SNW1: variants seen among roughly 807,000 people sequenced by gnomAD.
The protein encoded by SNW1 is SNW domain containing 1, also known as SNW domain-containing protein 1.
In SNW1, 9 loss-of-function variants were observed where a neutral mutation model predicts 75.6. The observed-to-expected ratio is 0.12, with a 90% confidence interval of 0.07 to 0.21. The LOEUF is 0.21. SNW1 is among the 10% of genes least tolerant of loss of function. The pLI is 1.00. For missense variants in SNW1, 409 were observed against 670.9 expected (o/e 0.61, Z 4.31); for synonymous variants, 200 against 219.1 (o/e 0.91, Z 0.77).
chr14:77,751,510 G>A, intron 2 of SNW1, 30 bp from the exon 3 acceptor site: 5 of 1,527,960 alleles, frequency 3.3e-6, no homozygotes, highest in South Asian at 1.2e-5. Flanking sequence ...AAATAAAATA[G>A]TTAATCATCA....
At chr14:77,760,246 A>G (rs763894086) in intron 1 of SNW1, among the ~76,000 whole-genome samples, 1 of 152,158 alleles carries the variant, frequency 6.6e-6, no homozygotes, top group East Asian at 1.9e-4. Context: ...TACTGTCATC[A>G]GCCAGAAAAA....
In SNW1 at chr14:77,730,998, A is replaced by G. The variant is rs775170813; in HGVS notation, c.1023T>C (p.His341=). ...ARERRAGIKT[H]VEKEDGEARE... ...ATGAGAATGTCATACCTTTTTCCAC[A>G]TGAGTTTTGATCCCAGCTCTTCTCT... is the stretch of plus-strand genomic sequence containing the variant. The change falls in exon 10 of 14, where the codon CAT becomes CAC. Residue 341 remains histidine (H), a synonymous_variant. Coordinates refer to ENST00000261531, the MANE Select transcript of SNW1 (RefSeq NM_012245.3). 3 of 1,613,054 alleles carry G rather than the reference A, an allele frequency of 1.9e-6. No homozygotes were observed. In the African/African-American group the frequency reaches 4.0e-5, roughly 22 times the overall value.
intron 1 of SNW1, among the ~76,000 whole-genome samples, chr14:77,757,012 T>TTA (rs1300906345): frequency 4.6e-5 from 7 of 152,190 alleles, no homozygotes; most frequent in African/African-American, 1.7e-4. Flanking sequence ...AGTATTAAAG[T>TTA]ATTACAGTGA....
intron 3 of SNW1, among the ~76,000 whole-genome samples, chr14:77,741,577 C>CT (rs1355266813): frequency 2.0e-5 from 3 of 152,038 alleles, no homozygotes; most frequent in East Asian, 1.9e-4. Flanking sequence ...TCACCATACT[C>CT]TAAGAGTGTT....
At chr14:77,722,558 A>C (rs77385865) in intron 11 of SNW1, 35 of 435,288 alleles carry the variant, frequency 8.0e-5, no homozygotes, top group Non-Finnish European at 1.4e-4. Context: ...AGAACGGACT[A>C]TAACAGTCCA....
chr14:77,720,729 C>G lies in SNW1; in HGVS notation c.1230G>C (p.Arg410Ser). ...RTSNEVQYDQ[R>S]LFNQSKGMDS... ...CTTGTACCTTGGATTGGTTGAAGAG[C>G]CTTTGGTCATACTGAACTTCATTGG... The change falls in exon 12 of 14, where the codon AGG (arginine) becomes AGC (serine). Residue 410 changes from arginine (R) to serine (S), a missense_variant. This residue lies in a region of SNW1 where 126 missense variants were observed against 167.6 expected (regional missense o/e 0.75). Coordinates refer to ENST00000261531, the MANE Select transcript of SNW1 (RefSeq NM_012245.3). 6.2e-7 allele frequency: 1 copy of G among 1,611,126 alleles called. No individual in the cohort carries two copies. Among genetic ancestry groups the G allele is most frequent in the Non-Finnish European group, 8.5e-7 (1 of 1,177,604 alleles).
chr14:77,730,195 C>G (rs1291104820), intron 10 of SNW1, among the ~76,000 whole-genome samples: 1 of 152,158 alleles, frequency 6.6e-6, no homozygotes, highest in Non-Finnish European at 1.5e-5. Context: ...TATTTGACCA[C>G]TCTCACCTTC....
chr14:77,757,919 C>CATCT (rs71128671), intron 1 of SNW1, among the ~76,000 whole-genome samples: 15,382 of 147,596 alleles, frequency 0.1, 867 homozygotes, highest in South Asian at 0.18. Flanking sequence ...TCAATCTAAT[C>CATCT]ATCTATCTAT....
At chr14:77,733,742 C>CAAAAAAAA (rs35483765) in intron 8 of SNW1, among the ~76,000 whole-genome samples, 59 of 64,856 alleles carry the variant, frequency 9.1e-4, no homozygotes, top group East Asian at 2.2e-3. Context: ...GAGACCGTCT[C>CAAAAAAAA]AAAAAAAAAA....
At chr14:77,719,801 CAA>C (rs1398605509) in intron 12 of SNW1, among the ~76,000 whole-genome samples, 1 of 149,872 alleles carries the variant, frequency 6.7e-6, no homozygotes, top group Non-Finnish European at 1.5e-5. Context: ...GAGATAATAA[CAA>C]GACTTAGAAC....
At chr14:77,759,074 C>T (rs1296003911) in intron 1 of SNW1, among the ~76,000 whole-genome samples, 2 of 152,194 alleles carry the variant, frequency 1.3e-5, no homozygotes, top group African/African-American at 4.8e-5. Flanking sequence ...TCACAGAACT[C>T]AGGGAAATGT....
At chr14:77,751,851 A>AC (rs771751068) in intron 2 of SNW1, among the ~76,000 whole-genome samples, 4 of 146,730 alleles carry the variant, frequency 2.7e-5, no homozygotes, top group East Asian at 2.0e-4. Context: ...CACACCACAC[A>AC]CACACACACA....
At chr14:77,761,043 A>T (rs756756837) in intron 1 of SNW1, 71 bp downstream of exon 1, 3 of 1,614,188 alleles carry the variant, frequency 1.9e-6, no homozygotes, top group Non-Finnish European at 2.5e-6. Context: ...CCCGGAGGGT[A>T]TGGGAAGAGA....
At chr14:77,758,643 C>G (rs1218704315) in intron 1 of SNW1, among the ~76,000 whole-genome samples, 1 of 152,208 alleles carries the variant, frequency 6.6e-6, no homozygotes, top group Admixed American at 6.6e-5. Context: ...CTCACTCTGT[C>G]CCATTAGAAT....
intron 5 of SNW1, 86 bp downstream of exon 5, chr14:77,738,692 C>T (rs2139912870): frequency 6.8e-6 from 6 of 881,138 alleles, no homozygotes; most frequent in East Asian, 4.9e-5. Context: ...ATAATGGTTG[C>T]TAAGTGGGTT....
intron 1 of SNW1, among the ~76,000 whole-genome samples, chr14:77,757,717 C>T (rs2080852169): frequency 6.6e-6 from 1 of 152,214 alleles, no homozygotes; most frequent in Admixed American, 6.5e-5. Context: ...CTGCAGGAAT[C>T]ACGCCTTATG....
intron 8 of SNW1, chr14:77,733,896 T>C: frequency 2.4e-6 from 1 of 423,688 alleles, no homozygotes; most frequent in Non-Finnish European, 4.7e-6. Context: ...TTAGCTTTAT[T>C]TTCCAGATAT....
At chr14:77,740,135 T>TAA (rs1170373918) in intron 3 of SNW1, among the ~76,000 whole-genome samples, 4,459 of 64,978 alleles carry the variant, frequency 0.069, 326 homozygotes, top group Non-Finnish European at 0.088. Flanking sequence ...CACTGTATAT[T>TAA]AAAAAAAAAA....
chr14:77,735,157 A>G, intron 7 of SNW1, 145 bp from the exon 8 acceptor site: 1 of 543,038 alleles, frequency 1.8e-6, no homozygotes, highest in Non-Finnish European at 3.3e-6. Context: ...TTTGTTTGCT[A>G]GCACTAGTTT....
Sources: gnomAD v4.1 joint callset for allele counts (sites outside exome capture counted in the v4.1 genomes callset) on GRCh38, gnomAD v4.1.1 for gene constraint, gnomAD v4.1.1 regional missense constraint, MANE v1.5 for transcripts, NCBI Gene and HGNC (gene_info 2026-07-23, HGNC 2026-07-21) for gene names.